The following MGAT5B variants were observed in gnomAD, a reference collection of about 807,000 sequenced individuals.
MGAT5B encodes the protein N-acetylglucosaminyl-transferase Vb.
In MGAT5B, 54 loss-of-function variants were observed where a neutral mutation model predicts 95.1. That is an observed-to-expected ratio of 0.57 (90% CI 0.46 to 0.71). MGAT5B has a LOEUF of 0.71. Among genes scored for constraint, MGAT5B ranks in the 30% least tolerant of loss-of-function variants. MGAT5B has a pLI of 0.00. For synonymous variants in MGAT5B, 464 were observed against 451.0 expected, an observed-to-expected ratio of 1.03 and a Z score of -0.36; for missense variants, 935 against 1,088.6, an observed-to-expected ratio of 0.86 and a Z score of 1.99.
rs980370022 is a variant in MGAT5B, at chr17:76,930,050, G to C, written c.1292-2595G>C. Among the ~76,000 whole-genome samples the C allele has an allele frequency of 6.6e-6, 1 of 152,100 alleles. No individual in the cohort carries two copies. Among genetic ancestry groups the C allele is most frequent in the Non-Finnish European group, 1.5e-5 (1 of 68,032 alleles). On this transcript the variant is annotated intron_variant, in intron 10 of 17. Coordinates refer to ENST00000569840, the MANE Select transcript of MGAT5B (RefSeq NM_001199172.2). The surrounding 1 kb of genome is among the most constrained non-coding windows in gnomAD (Gnocchi z 4.1). ...GTGCCGGACAGGTAAACAGGGTCGGGCAGGGGCTGCTTTGCCTGGCATGGA... is the reference window on the plus strand; with the variant it reads ...GTGCCGGACAGGTAAACAGGGTCGGCCAGGGGCTGCTTTGCCTGGCATGGA...
At position 76,891,626 on chromosome 17, in the gene MGAT5B, C is replaced by T. The variant is rs566552411; in HGVS notation, c.329+9328C>T. On this transcript the variant is annotated intron_variant, in intron 3 of 17. Coordinates refer to ENST00000569840, the MANE Select transcript of MGAT5B (RefSeq NM_001199172.2). Reference sequence around the variant, plus strand: ...AACTCCTGAGCTCAGGCGATCTGCCCGCCTCGGCCTCCCAGAGTGGTGGGA... The same window carrying T: ...AACTCCTGAGCTCAGGCGATCTGCCTGCCTCGGCCTCCCAGAGTGGTGGGA... Among the ~76,000 whole-genome samples the T allele has an allele frequency of 2.2e-3, 331 of 152,310 alleles. 3 individuals carry two copies. Among genetic ancestry groups the T allele is most frequent in the African/African-American group, 6.8e-3 (284 of 41,554 alleles).
Position 76,905,951 on chromosome 17 carries a change from G to T in MGAT5B, c.856-67G>T. The T allele has an allele frequency of 1.3e-6, 2 of 1,493,012 alleles. No individual in the cohort carries two copies. The highest frequency in any genetic ancestry group is 1.8e-6 in the Non-Finnish European group (2 of 1,123,172). 92.5% of individuals were successfully genotyped at this position (1,493,012 alleles called of 1,614,324 possible). On this transcript the variant is annotated intron_variant, in intron 7 of 17. Transcript: ENST00000569840. The surrounding 1 kb of genome is among the most constrained non-coding windows in gnomAD (Gnocchi z 4.2). ...GCTGCCGGCTGGTCTCCTGGCCGGT[G>T]CCCCGGGGGGGCGGGGCTCAGAGCT...
At chr17:76,934,948 T>G (rs1390242136) in intron 12 of MGAT5B, among the ~76,000 whole-genome samples, 2 of 151,728 alleles carry the variant, frequency 1.3e-5, no homozygotes, top group African/African-American at 2.4e-5. Flanking sequence ...AGATGGAAGG[T>G]CAGGTCATTT....
At chr17:76,942,939 A>G (rs890668059) in intron 15 of MGAT5B, among the ~76,000 whole-genome samples, 2 of 152,094 alleles carry the variant, frequency 1.3e-5, no homozygotes, top group African/African-American at 2.4e-5. Flanking sequence ...GGGGGACTAC[A>G]TAGACTTTTC....
intron 3 of MGAT5B, among the ~76,000 whole-genome samples, chr17:76,902,232 C>T (rs1002349039): frequency 9.2e-5 from 14 of 151,666 alleles, no homozygotes; most frequent in African/African-American, 3.4e-4. Flanking sequence ...GGCCTGGGGC[C>T]GAGGGGTGGG....
chr17:76,929,423 ACTC>A (rs1254281438), intron 10 of MGAT5B, among the ~76,000 whole-genome samples: 1 of 152,028 alleles, frequency 6.6e-6, no homozygotes, highest in Non-Finnish European at 1.5e-5. Context: ...CTCATCTCCT[ACTC>A]CTGGCAGAAT....
rs1197906345 is a variant in MGAT5B at position 76,915,465 on chromosome 17, C to T, written c.1025+9278C>T. Among the ~76,000 whole-genome samples, 10 of 152,052 alleles carry T rather than the reference C, an allele frequency of 6.6e-5. No homozygotes were observed. The highest frequency in any genetic ancestry group is 2.1e-4 in the South Asian group (1 of 4,830). On this transcript the variant is annotated intron_variant, in intron 8 of 17. Coordinates refer to ENST00000569840, the MANE Select transcript of MGAT5B (RefSeq NM_001199172.2). This position sits in a 1 kb window ranked among gnomAD's most constrained non-coding sequence, Gnocchi z 8.7. ...GGAGACGCGAGGAAGTGGACAAGAC[C>T]GAAAAACAACCCTCGGGCTCTACCA...
At chr17:76,881,495 G>C (rs1301359541) in intron 2 of MGAT5B, among the ~76,000 whole-genome samples, 2 of 152,176 alleles carry the variant, frequency 1.3e-5, no homozygotes, top group East Asian at 3.9e-4. Flanking sequence ...GAGAAGGAGG[G>C]CTGGGGAAGC....
intron 17 of MGAT5B, 105 bp downstream of exon 17, chr17:76,948,191 G>A: frequency 2.1e-6 from 3 of 1,457,902 alleles, no homozygotes; most frequent in Non-Finnish European, 2.7e-6. Context: ...CTGCCAGTGT[G>A]GGGGGATGTA....
At position 76,905,886 on chromosome 17, in the gene MGAT5B, C is replaced by T. The variant is rs907450981; in HGVS notation, c.856-132C>T. The T allele has an allele frequency of 2.7e-5, 26 of 967,948 alleles. No individual in the cohort carries two copies. The highest frequency in any genetic ancestry group is 5.5e-5 in the East Asian group (2 of 36,274). The allele number at this position is 967,948 out of a possible 1,614,324, so 60.0% of individuals were successfully genotyped here. On this transcript the variant is annotated intron_variant, in intron 7 of 17. Transcript: ENST00000569840. The surrounding 1 kb of genome is among the most constrained non-coding windows in gnomAD (Gnocchi z 4.2). ...GTGCCCGATCTGGTCACTCTGGTGC[C>T]GGAAAGCACCTGCTGGGGCCCAGCC...
chr17:76,892,683 C>T (rs898545968), intron 3 of MGAT5B, among the ~76,000 whole-genome samples: 1 of 152,240 alleles, frequency 6.6e-6, no homozygotes, highest in Non-Finnish European at 1.5e-5. Context: ...CCTGGAGACC[C>T]GCATGGAGCA....
chr17:76,887,559 C>CT (rs368014884), intron 3 of MGAT5B, among the ~76,000 whole-genome samples: 79 of 98,206 alleles, frequency 8.0e-4, no homozygotes, highest in Non-Finnish European at 1.3e-3. Context: ...TTTTTCTTTT[C>CT]TTTTTTTTTT....
intron 3 of MGAT5B, among the ~76,000 whole-genome samples, chr17:76,893,878 C>T (rs1048550850): frequency 6.6e-6 from 1 of 152,152 alleles, no homozygotes; most frequent in South Asian, 2.1e-4. Context: ...GATGTCCTGC[C>T]CCCACCCTGT....
intron 15 of MGAT5B, chr17:76,944,401 GTTTTA>G (rs1217322752): frequency 6.6e-6 from 1 of 152,284 alleles, no homozygotes; most frequent in Non-Finnish European, 1.5e-5. Flanking sequence ...TCTCTGGGGA[GTTTTA>G]TTTATAACCT....
chr17:76,879,050 C>G (rs1967306144), intron 2 of MGAT5B, among the ~76,000 whole-genome samples: 1 of 152,246 alleles, frequency 6.6e-6, no homozygotes, highest in Admixed American at 6.5e-5. Flanking sequence ...GCAGCCTCCA[C>G]TTTGTTGACT....
At position 76,869,064 on chromosome 17, in the gene MGAT5B, T is replaced by C. The variant is rs753910506; in HGVS notation, c.35T>C (p.Val12Ala). 1.2e-6 allele frequency: 2 copies of C among 1,614,068 alleles called. No homozygotes were observed. The highest frequency in any genetic ancestry group is 1.3e-5 in the African/African-American group (1 of 75,048). ...ITVNPDGKIM[V>A]RRCLVTLRPF... The stretch of plus-strand genomic sequence containing the variant: ...GTCAACCCCGATGGGAAGATAATGG[T>C]CAGAAGATGCCTGGTCACCCTGAGA... The change falls in exon 1 of 18, where the codon GTC (valine) becomes GCC (alanine). Residue 12 changes from valine (V) to alanine (A), a missense_variant. Val to Ala is a moderately conservative substitution (Grantham distance 64). Transcript: ENST00000569840. This position sits in a 1 kb window ranked among gnomAD's most constrained non-coding sequence, Gnocchi z 7.0.
intron 11 of MGAT5B, 58 bp from the exon 12 acceptor site, chr17:76,933,234 C>T (rs955419103): frequency 6.3e-7 from 1 of 1,597,034 alleles, no homozygotes; most frequent in Non-Finnish European, 8.5e-7. Flanking sequence ...GTCTGCGAAT[C>T]ATCACTAACC....
At chr17:76,874,855 G>T (rs1691002365) in intron 2 of MGAT5B, among the ~76,000 whole-genome samples, 2 of 152,080 alleles carry the variant, frequency 1.3e-5, no homozygotes, top group Non-Finnish European at 2.9e-5. Context: ...TGCAGGTCTG[G>T]GTCTAAAGAT....
In MGAT5B at chr17:76,905,184, A is replaced by C; in HGVS notation, c.706A>C (p.Asn236His). 6.2e-7 allele frequency: 1 copy of C among 1,611,322 alleles called. No individual in the cohort carries two copies. The highest frequency in any genetic ancestry group is 8.5e-7 in the Non-Finnish European group (1 of 1,177,928). The change falls in exon 7 of 18, where the codon AAC (asparagine) becomes CAC (histidine). Residue 236 changes from asparagine to histidine, a missense_variant. By Grantham distance (68) the Asn-to-His change is moderately conservative. Around this residue, in one of 4 missense-constraint regions of MGAT5B, gnomAD observed 243 missense variants for 305.5 expected, o/e 0.80. Transcript: ENST00000569840. The surrounding 1 kb of genome is among the most constrained non-coding windows in gnomAD (Gnocchi z 4.2). ...ACCCCTCCAGGCAGTTTTCCGAAGCAACCTGTCCCACCTTCTGGACCTGAT... is the reference window on the plus strand; with the variant it reads ...ACCCCTCCAGGCAGTTTTCCGAAGCCACCTGTCCCACCTTCTGGACCTGAT... ...LPKVQAVFRS[N>H]LSHLLDLMGS...
Sources: allele counts gnomAD v4.1 joint callset (sites outside exome capture counted in the v4.1 genomes callset), GRCh38; gene constraint gnomAD v4.1.1; regional missense constraint gnomAD v4.1.1; non-coding constraint Gnocchi (gnomAD v3.1); transcripts MANE v1.5; gene names NCBI Gene and HGNC (gene_info 2026-07-23, HGNC 2026-07-21).